Variants in FBXO3 observed in about 807,000 individuals in gnomAD.
FBXO3 encodes F-box protein 3.
Under a neutral mutation model 64.8 loss-of-function variants are expected in FBXO3, and 17 were observed. That is an observed-to-expected ratio of 0.26 (90% CI 0.18 to 0.39). The LOEUF is 0.39. FBXO3 is among the 10% of genes least tolerant of loss of function. The pLI is 1.00. For synonymous variants in FBXO3, 182 were observed against 201.6 expected (o/e 0.90, Z 0.82); for missense variants, 420 against 589.9 (o/e 0.71, Z 2.98).
At position 33,770,687 on chromosome 11, in the gene FBXO3, T is replaced by C. The variant is rs1469489628; in HGVS notation, c.194+54A>G. On this transcript the variant is annotated intron_variant, in intron 2 of 10. Transcript: ENST00000265651. ...GAGGAGAATCAGGACAAACTAGTGT[T>C]ATGGAAGAAGCCAAGGGCCAGTTTT... 3.0e-6 allele frequency: 4 copies of C among 1,353,726 alleles called. No homozygotes were observed. The African/African-American group carries it at 5.7e-5, about 19-fold the overall frequency. 83.9% of individuals were successfully genotyped at this position (1,353,726 alleles called of 1,614,324 possible). A position where few individuals can be genotyped will look rare whatever the true frequency, so the allele number is the denominator to read the frequency against.
At chr11:33,749,852 G>C (rs528149583) in intron 8 of FBXO3, among the ~76,000 whole-genome samples, 3 of 152,196 alleles carry the variant, frequency 2.0e-5, no homozygotes, top group African/African-American at 4.8e-5. Flanking sequence ...TGTGTATTTG[G>C]ATATAGCAAA....
intron 3 of FBXO3, among the ~76,000 whole-genome samples, chr11:33,764,526 A>AG (rs1855320431): frequency 2.0e-5 from 3 of 152,294 alleles, no homozygotes; most frequent in African/African-American, 4.8e-5. Context: ...TGTGAGGAGA[A>AG]GGGCACTTCA....
chr11:33,754,410 C>A (rs1259202409), intron 6 of FBXO3, 45 bp downstream of exon 6: 1 of 1,487,374 alleles, frequency 6.7e-7, no homozygotes, highest in Non-Finnish European at 9.1e-7. Context: ...TTTATTATAT[C>A]CAGGAAGAAG....
chr11:33,755,744 C>A, intron 5 of FBXO3, 27 bp downstream of exon 5: 1 of 1,547,628 alleles, frequency 6.5e-7, no homozygotes. Context: ...CATCTTAATG[C>A]CATATTTAAA....
chr11:33,768,283 T>C (rs1389631971), intron 3 of FBXO3, among the ~76,000 whole-genome samples: 1 of 152,198 alleles, frequency 6.6e-6, no homozygotes, highest in African/African-American at 2.4e-5. Flanking sequence ...TGGACAATAA[T>C]GGTGTAATAG....
chr11:33,747,970 C>T (rs1854861137), intron 9 of FBXO3, among the ~76,000 whole-genome samples: 1 of 150,250 alleles, frequency 6.7e-6, no homozygotes, highest in Non-Finnish European at 1.5e-5. Context: ...TAATAAAAAG[C>T]ATCACAGACA....
rs889334078 is a variant in FBXO3, at chr11:33,749,033, T to C, written c.933-141A>G. 10 of 489,726 alleles carry C rather than the reference T, an allele frequency of 2.0e-5. No homozygotes were observed. The Admixed American group carries it at 2.6e-4, about 13-fold the overall frequency. The allele number at this position is 489,726 out of a possible 1,614,324, so 30.3% of individuals were successfully genotyped here. The stretch of plus-strand genomic sequence containing the variant: ...CCCAACCCAAAGTCCATGTTAGCCA[T>C]CTATTTTTCTAAGTTCTCAAAGATA... On this transcript the variant is annotated intron_variant, in intron 8 of 10. Transcript: ENST00000265651.
chr11:33,756,159 G>A (rs1483319902), intron 4 of FBXO3, among the ~76,000 whole-genome samples, 184 bp from the exon 5 acceptor site: 1 of 152,052 alleles, frequency 6.6e-6, no homozygotes, highest in Non-Finnish European at 1.5e-5. Context: ...CTTTTGATTG[G>A]AAAAAAGATT....
chr11:33,759,078 C>T (rs982530144), intron 3 of FBXO3, among the ~76,000 whole-genome samples: 2 of 152,200 alleles, frequency 1.3e-5, no homozygotes, highest in African/African-American at 4.8e-5. Context: ...TATTTGTAAA[C>T]TTGCCACATA....
chr11:33,758,156 T>A (rs1234598551), intron 4 of FBXO3, among the ~76,000 whole-genome samples: 1 of 152,192 alleles, frequency 6.6e-6, no homozygotes, highest in African/African-American at 2.4e-5. Context: ...TTGCCTGGCC[T>A]GTAATAAGAT....
intron 3 of FBXO3, among the ~76,000 whole-genome samples, chr11:33,761,505 T>C (rs1254839091): frequency 6.6e-6 from 1 of 152,196 alleles, no homozygotes; most frequent in Admixed American, 6.5e-5. Context: ...AATTCTAATT[T>C]TATGTACCTA....
intron 8 of FBXO3, among the ~76,000 whole-genome samples, chr11:33,749,093 C>T (rs779774713): frequency 5.3e-5 from 8 of 152,178 alleles, no homozygotes; most frequent in Non-Finnish European, 1.0e-4. Flanking sequence ...TACAAAAATG[C>T]TTTCACTCAA....
intron 3 of FBXO3, among the ~76,000 whole-genome samples, chr11:33,764,721 C>G (rs932566847): frequency 7.9e-5 from 12 of 152,122 alleles, no homozygotes; most frequent in Non-Finnish European, 1.5e-5. Context: ...CATCTGTAAT[C>G]TCAGCACTTT....
rs1277972624 is a variant in FBXO3, at chr11:33,750,572, T to A, written c.899A>T (p.His300Leu). ...GTATGTGAAGAAATAGTGGGGTGGA[T>A]GTACAGAGCTAAGTTCTGGCAGAAA... is the stretch of plus-strand genomic sequence containing the variant. Reference protein sequence around the residue: ...TSFLPELSSVHPPHYFFTYRI... With the variant: ...TSFLPELSSVLPPHYFFTYRI... The change falls in exon 8 of 11, where the codon CAT (histidine) becomes CTT (leucine). Residue 300 changes from histidine to leucine, a missense_variant. Coordinates refer to ENST00000265651, the MANE Select transcript of FBXO3 (RefSeq NM_012175.4). The A allele has an allele frequency of 6.2e-7, 1 of 1,613,924 alleles. No homozygotes were observed. The highest frequency in any genetic ancestry group is 2.2e-5 in the East Asian group (1 of 44,864).
At position 33,774,504 on chromosome 11, in the gene FBXO3, T is replaced by A; in HGVS notation, c.-7A>T. ...CGGTCTCCATGGCCGCCATCTTGCC[T>A]GGCCCGGTGCAGGTCTGGCCCCGCC... On this transcript the variant is annotated 5_prime_UTR_variant, in exon 1 of 11. Transcript: ENST00000265651. The A allele has an allele frequency of 6.5e-7, 1 of 1,535,904 alleles. No individual in the cohort carries two copies. The highest frequency in any genetic ancestry group is 8.8e-7 in the Non-Finnish European group (1 of 1,142,708).
Position 33,747,888 on chromosome 11 carries a change from A to C in FBXO3, c.1049-568T>G, listed in dbSNP as rs374705524. Reference sequence around the variant, plus strand: ...GGGAAGTATCTAGTAAAAAAAAAAAAAAAAACAGAACAGGCATGTTTCTTT... The same window carrying C: ...GGGAAGTATCTAGTAAAAAAAAAAACAAAAACAGAACAGGCATGTTTCTTT... On this transcript the variant is annotated intron_variant, in intron 9 of 10. Transcript: ENST00000265651. Among the ~76,000 whole-genome samples the C allele has an allele frequency of 5.3e-5, 8 of 152,028 alleles. No homozygotes were observed. In the East Asian group the frequency reaches 1.3e-3, roughly 26 times the overall value.
At chr11:33,771,405 C>T (rs4348870) in intron 1 of FBXO3, 100,063 of 152,090 alleles carry the variant, frequency 0.66, 33,109 homozygotes, top group Middle Eastern at 0.71. Flanking sequence ...GCTACACAAG[C>T]TATCAGCTGC....
intron 2 of FBXO3, 85 bp from the exon 3 acceptor site, chr11:33,769,099 G>T: frequency 8.9e-7 from 1 of 1,118,668 alleles, no homozygotes; most frequent in Non-Finnish European, 1.2e-6. Flanking sequence ...ATAGAAACTT[G>T]TACTTTTCCC....
chr11:33,770,927 G>A (rs1477865740), intron 1 of FBXO3, 97 bp from the exon 2 acceptor site: 7 of 954,004 alleles, frequency 7.3e-6, no homozygotes, highest in African/African-American at 3.3e-5. Flanking sequence ...TATGCCTTTT[G>A]TTTCTCTTAC....
Sources: allele counts gnomAD v4.1 joint callset (sites outside exome capture counted in the v4.1 genomes callset), GRCh38; gene constraint gnomAD v4.1.1; transcripts MANE v1.5; gene names NCBI Gene and HGNC (gene_info 2026-07-23, HGNC 2026-07-21).